The following RBFOX1 variants were observed in gnomAD, a reference collection of about 807,000 sequenced individuals.
RBFOX1 encodes the protein RNA binding fox-1 homolog 1, also known as RNA binding protein fox-1 homolog 1.
In RBFOX1, 8 loss-of-function variants were observed where a neutral mutation model predicts 57.7. That is an observed-to-expected ratio of 0.14 (90% CI 0.08 to 0.25). The LOEUF is 0.25. RBFOX1 is among the 10% of genes least tolerant of loss of function. The pLI is 1.00. For synonymous variants in RBFOX1, 326 were observed against 222.4 expected, an observed-to-expected ratio of 1.47 and a Z score of -4.15; for missense variants, 611 against 548.5, an observed-to-expected ratio of 1.11 and a Z score of -1.14.
At chr16:5,748,297 A>G (rs551275021) in intron 3 of RBFOX1, among the ~76,000 whole-genome samples, 3,020 of 152,206 alleles carry the variant, frequency 0.02, 95 homozygotes, top group African/African-American at 0.067. Flanking sequence ...ACTTCCAACT[A>G]TGTGGTCAAT....
chr16:5,944,955 ACT>A (rs1254429090), intron 4 of RBFOX1, among the ~76,000 whole-genome samples: 12 of 105,442 alleles, frequency 1.1e-4, no homozygotes, highest in African/African-American at 5.0e-4. Context: ...ACAGAGCAAG[ACT>A]CTGTCATAAA....
chr16:6,622,508 T>C (rs866813590), intron 2 of RBFOX1, among the ~76,000 whole-genome samples: 14 of 152,068 alleles, frequency 9.2e-5, no homozygotes, highest in African/African-American at 3.4e-4. Flanking sequence ...ACCATCTAGG[T>C]TTGTATAACT....
At chr16:6,618,183 G>A (rs374285274) in intron 2 of RBFOX1, among the ~76,000 whole-genome samples, 2 of 152,092 alleles carry the variant, frequency 1.3e-5, no homozygotes, top group African/African-American at 4.8e-5. Flanking sequence ...TGACTCTCCA[G>A]TTCACCTCCC....
At chr16:6,018,841 G>C (rs1180509776), upstream of RBFOX1, among the ~76,000 whole-genome samples, 2 of 152,050 alleles carry the variant, frequency 1.3e-5, no homozygotes, top group Non-Finnish European at 2.9e-5. Flanking sequence ...GGGCGCAGGT[G>C]AAAGTCCTGG....
intron 3 of RBFOX1, among the ~76,000 whole-genome samples, chr16:6,724,456 C>A (rs1465946140): frequency 1.3e-5 from 2 of 152,096 alleles, no homozygotes; most frequent in African/African-American, 4.8e-5. Flanking sequence ...GATCCACCCA[C>A]CTCGTCCTCC....
intron 3 of RBFOX1, among the ~76,000 whole-genome samples, chr16:6,961,937 G>T (rs979382974): frequency 1.3e-5 from 2 of 149,330 alleles, no homozygotes; most frequent in East Asian, 3.9e-4. Context: ...GCTGTGTCTT[G>T]TGCAGACCTT....
rs559084967 is a variant in RBFOX1 at position 5,277,689 on chromosome 16, A to C, written c.219+37584A>C. 2.0e-5 allele frequency among the ~76,000 whole-genome samples: 3 copies of C among 152,306 alleles called. No individual in the cohort carries two copies. The South Asian group carries it at 6.2e-4, about 32-fold the overall frequency. ...CTATCCCTGACCCTACTGACCTGAT[A>C]CATGGCCCCCACTTTGATTTCCAGG... On this transcript the variant is annotated intron_variant, in intron 1 of 2. Transcript: ENST00000585867.
chr16:7,198,517 A>G (rs911613127), intron 4 of RBFOX1, among the ~76,000 whole-genome samples: 7 of 152,188 alleles, frequency 4.6e-5, no homozygotes, highest in Non-Finnish European at 1.0e-4. Flanking sequence ...GTGTTTTTGT[A>G]ACAGAATATC....
intron 4 of RBFOX1, among the ~76,000 whole-genome samples, chr16:7,302,432 A>T (rs942970879): frequency 2.6e-5 from 4 of 152,074 alleles, no homozygotes; most frequent in African/African-American, 9.7e-5. Flanking sequence ...GTGAGCCCTG[A>T]GGAGGAGGGG....
intron 3 of RBFOX1, among the ~76,000 whole-genome samples, chr16:6,877,199 A>G (rs1242201939): frequency 6.6e-6 from 1 of 152,230 alleles, no homozygotes; most frequent in East Asian, 1.9e-4. Flanking sequence ...ACATTTAAAA[A>G]GTGCATTTAA....
intron 3 of RBFOX1, among the ~76,000 whole-genome samples, chr16:5,858,764 G>T (rs1032128755): frequency 6.6e-6 from 1 of 152,228 alleles, no homozygotes; most frequent in African/African-American, 2.4e-5. Flanking sequence ...GGGAAGGGAG[G>T]TAGGGAGATG....
At chr16:6,610,333 A>AT (rs1394816673) in intron 2 of RBFOX1, among the ~76,000 whole-genome samples, 1 of 152,040 alleles carries the variant, frequency 6.6e-6, no homozygotes, top group South Asian at 2.1e-4. Flanking sequence ...TGACATTCTT[A>AT]TTTTTTTAGA....
chr16:6,464,799 A>T (rs1363432165), intron 2 of RBFOX1, among the ~76,000 whole-genome samples: 1 of 152,208 alleles, frequency 6.6e-6, no homozygotes, highest in Admixed American at 6.5e-5. Flanking sequence ...AATGTATTTC[A>T]CCTTTTCTCC....
At chr16:6,605,043 T>C (rs1601281664) in intron 2 of RBFOX1, among the ~76,000 whole-genome samples, 2 of 151,970 alleles carry the variant, frequency 1.3e-5, no homozygotes. Context: ...TAAAAATATA[T>C]AAACACATGC....
At chr16:7,405,359 A>G (rs970094201) in intron 4 of RBFOX1, among the ~76,000 whole-genome samples, 1 of 152,206 alleles carries the variant, frequency 6.6e-6, no homozygotes, top group Non-Finnish European at 1.5e-5. Flanking sequence ...TAGCAGATGC[A>G]GCAGTTCACT....
intron 1 of RBFOX1, among the ~76,000 whole-genome samples, chr16:6,124,472 C>T (rs868131117): frequency 3.3e-5 from 5 of 152,098 alleles, no homozygotes; most frequent in Admixed American, 1.3e-4. Context: ...CAGACTGGGA[C>T]CTGGTAGCTG....
intron 4 of RBFOX1, among the ~76,000 whole-genome samples, chr16:5,878,063 A>G (rs1204171030): frequency 2.0e-5 from 3 of 152,206 alleles, no homozygotes; most frequent in African/African-American, 4.8e-5. Flanking sequence ...ATTCCATGAC[A>G]TATTTTAGTA....
intron 3 of RBFOX1, among the ~76,000 whole-genome samples, chr16:5,693,526 C>G (rs1406606660): frequency 6.6e-6 from 1 of 151,750 alleles, no homozygotes; most frequent in Non-Finnish European, 1.5e-5. Context: ...GGTTAAAAAA[C>G]TCATTATATG....
rs371471884 is a variant in RBFOX1 at position 6,094,834 on chromosome 16, C to T, written c.-127+74842C>T. ...ATCCCAACACCTTGGGAGGCTGAGG[C>T]GGATCACCTGAGGTCATAAGTTTGA... On this transcript the variant is annotated intron_variant, in intron 1 of 15. Coordinates refer to ENST00000550418, the MANE Select transcript of RBFOX1 (RefSeq NM_018723.4). Among the ~76,000 whole-genome samples the T allele has an allele frequency of 9.2e-5, 14 of 152,290 alleles. No individual in the cohort carries two copies. The East Asian group carries it at 9.7e-4, about 10-fold the overall frequency.
Sources: allele counts gnomAD v4.1 joint callset (sites outside exome capture counted in the v4.1 genomes callset), GRCh38; gene constraint gnomAD v4.1.1; transcripts MANE v1.5; gene names NCBI Gene and HGNC (gene_info 2026-07-23, HGNC 2026-07-21).